The following HECTD4 variants were observed in gnomAD, a reference collection of about 807,000 sequenced individuals.
HECTD4 encodes the protein probable E3 ubiquitin-protein ligase HECTD4.
HECTD4 carries 114 observed loss-of-function variants against 471.5 expected under a neutral mutation model. That is an observed-to-expected ratio of 0.24 (90% CI 0.21 to 0.28). HECTD4 has a LOEUF of 0.28. Among genes scored for constraint, HECTD4 ranks in the 10% least tolerant of loss-of-function variants. The pLI is 1.00. For synonymous variants in HECTD4, 2,012 were observed against 2,256.0 expected (o/e 0.89, Z 3.07); for missense variants, 3,866 against 5,651.5 (o/e 0.68, Z 10.13).
chr12:112,172,060 C>T (rs747995461), intron 67 of HECTD4, among the ~76,000 whole-genome samples: 2 of 152,172 alleles, frequency 1.3e-5, no homozygotes, highest in African/African-American at 2.4e-5. Flanking sequence ...TGCGCCACCA[C>T]GCCCGGCTAA....
At chr12:112,206,483 C>T (rs953603873) in intron 52 of HECTD4, among the ~76,000 whole-genome samples, 27 of 150,288 alleles carry the variant, frequency 1.8e-4, no homozygotes, top group African/African-American at 2.2e-4. Context: ...TAATATAGAG[C>T]GAGACTCTCT....
Position 112,160,568 on chromosome 12 carries a change from T to C in HECTD4, c.*1819A>G, listed in dbSNP as rs570198084. On this transcript the variant is annotated 3_prime_UTR_variant, in exon 76 of 76. Transcript: ENST00000682272. Reference sequence around the variant, plus strand: ...AGCAGATACCTTACAGCTTGTCATCTACTCAAGTGATGGCCAACAGAAGCT... The same window carrying C: ...AGCAGATACCTTACAGCTTGTCATCCACTCAAGTGATGGCCAACAGAAGCT... 1 of 152,336 alleles carries C rather than the reference T, an allele frequency of 6.6e-6. No homozygotes were observed. The highest frequency in any genetic ancestry group is 2.4e-5 in the African/African-American group (1 of 41,576). 9.4% of individuals were successfully genotyped at this position (152,336 alleles called of 1,614,324 possible). A position where few individuals can be genotyped will look rare whatever the true frequency, so the allele number is the denominator to read the frequency against.
rs1354908671 is a variant in HECTD4 at position 112,339,761 on chromosome 12, A to G, written c.178-20019T>C. 4.6e-5 allele frequency among the ~76,000 whole-genome samples: 7 copies of G among 152,172 alleles called. 1 individual carries two copies. Among genetic ancestry groups the G allele is most frequent in the Admixed American group, 4.6e-4 (7 of 15,278 alleles). On this transcript the variant is annotated intron_variant, in intron 1 of 75. Coordinates refer to ENST00000682272, the MANE Select transcript of HECTD4 (RefSeq NM_001388303.1). The stretch of plus-strand genomic sequence containing the variant: ...AGTGGAAAATGTAAACTGAAAACAC[A>G]CTTTCAGCCAGGCACAGTGGCTCAT...
Position 112,235,005 on chromosome 12 carries a change from G to A in HECTD4, c.5915+72C>T. On this transcript the variant is annotated intron_variant, in intron 37 of 75. Coordinates refer to ENST00000682272, the MANE Select transcript of HECTD4 (RefSeq NM_001388303.1). The surrounding 1 kb of genome is among the most constrained non-coding windows in gnomAD (Gnocchi z 5.0). The stretch of plus-strand genomic sequence containing the variant: ...CCGAGGCAGTCGATACATGTACAGG[G>A]CTTACTTAGCACAGTGCCTGTGACA... The A allele has an allele frequency of 7.2e-7, 1 of 1,383,516 alleles. No homozygotes were observed. The highest frequency in any genetic ancestry group is 9.9e-7 in the Non-Finnish European group (1 of 1,012,654). The allele number at this position is 1,383,516 out of a possible 1,614,324, so 85.7% of individuals were successfully genotyped here.
intron 45 of HECTD4, among the ~76,000 whole-genome samples, chr12:112,218,786 G>A (rs1171391534): frequency 6.6e-6 from 1 of 151,934 alleles, no homozygotes; most frequent in Non-Finnish European, 1.5e-5. Context: ...CCAGGCTGGA[G>A]TGCAGTGGCA....
At chr12:112,288,067 G>A (rs2034794235) in intron 7 of HECTD4, among the ~76,000 whole-genome samples, 1 of 151,400 alleles carries the variant, frequency 6.6e-6, no homozygotes, top group African/African-American at 2.4e-5. Context: ...GGTGGCTCAT[G>A]CCTGTAATCC....
intron 70 of HECTD4, 66 bp from the exon 71 acceptor site, chr12:112,167,983 C>T (rs1353057019): frequency 8.0e-7 from 1 of 1,246,382 alleles, no homozygotes; most frequent in Non-Finnish European, 1.2e-6. Flanking sequence ...CGTTCCCTCC[C>T]TCTCACCTGC....
At chr12:112,264,060 G>C (rs751409884) in intron 17 of HECTD4, 24 bp downstream of exon 17, 1 of 1,600,924 alleles carries the variant, frequency 6.2e-7, no homozygotes, top group South Asian at 1.1e-5. Context: ...AGAACGCATC[G>C]TTAAAATAAA....
Position 112,382,357 on chromosome 12 carries a change from CG to C in HECTD4, c.-230del. 2.5e-6 allele frequency: 1 copy of C among 398,214 alleles called. No individual in the cohort carries two copies. The highest frequency in any genetic ancestry group is 4.2e-5 in the South Asian group (1 of 23,610). The allele number at this position is 398,214 out of a possible 1,614,324, so 24.7% of individuals were successfully genotyped here. Reference sequence around the variant, plus strand: ...CCGCCGCCGCCGCCGCCGCCGCCGCCGCCCTCAGGAGCAGGATCCGCCTCTG... The same window carrying C: ...CCGCCGCCGCCGCCGCCGCCGCCGCCCCCTCAGGAGCAGGATCCGCCTCTG... On this transcript the variant is annotated 5_prime_UTR_variant, in exon 1 of 76. Transcript: ENST00000682272.
intron 18 of HECTD4, among the ~76,000 whole-genome samples, chr12:112,260,104 T>C (rs2034110015): frequency 6.6e-6 from 1 of 152,102 alleles, no homozygotes; most frequent in African/African-American, 2.4e-5. Context: ...CTATGCGCAT[T>C]AAACAATAAC....
chr12:112,175,151 G>C (rs147062716), intron 66 of HECTD4, among the ~76,000 whole-genome samples: 40 of 152,348 alleles, frequency 2.6e-4, no homozygotes, highest in African/African-American at 8.9e-4. Context: ...GGACTGAACT[G>C]TGTCCTCCCA....
chr12:112,271,232 G>T (rs1425266584), intron 11 of HECTD4, among the ~76,000 whole-genome samples: 1 of 152,162 alleles, frequency 6.6e-6, no homozygotes, highest in Non-Finnish European at 1.5e-5. Context: ...TAATTACTGT[G>T]GTGATTAACA....
chr12:112,287,815 G>A (rs1161205668), intron 7 of HECTD4, among the ~76,000 whole-genome samples: 1 of 152,144 alleles, frequency 6.6e-6, no homozygotes, highest in East Asian at 1.9e-4. Context: ...CAGAGTAGAA[G>A]TAGCCAAATC....
chr12:112,205,342 G>A (rs543123514), intron 52 of HECTD4, among the ~76,000 whole-genome samples: 13 of 152,218 alleles, frequency 8.5e-5, no homozygotes, highest in Admixed American at 5.9e-4. Flanking sequence ...GCTGAGGCAG[G>A]AGAACTGTTT....
chr12:112,381,892 C>T lies in HECTD4; in HGVS notation c.177+60G>A, dbSNP rs2036901847. The T allele has an allele frequency of 8.6e-7, 1 of 1,156,334 alleles. No individual in the cohort carries two copies. Among genetic ancestry groups the T allele is most frequent in the East Asian group, 3.3e-5 (1 of 30,234 alleles). The allele number at this position is 1,156,334 out of a possible 1,614,324, so 71.6% of individuals were successfully genotyped here. On this transcript the variant is annotated intron_variant, in intron 1 of 75. Coordinates refer to ENST00000682272, the MANE Select transcript of HECTD4 (RefSeq NM_001388303.1). The surrounding 1 kb of genome is among the most constrained non-coding windows in gnomAD (Gnocchi z 4.1). Reference sequence around the variant, plus strand: ...GGCTGAGGCGAGGAGGGGGCCCGACCCGGGGGTGCCGGGCGAGTGGGTCAG... The same window carrying T: ...GGCTGAGGCGAGGAGGGGGCCCGACTCGGGGGTGCCGGGCGAGTGGGTCAG...
intron 15 of HECTD4, 106 bp downstream of exon 15, chr12:112,265,768 TAACG>T: frequency 1.3e-6 from 1 of 750,130 alleles, no homozygotes; most frequent in East Asian, 2.6e-5. Flanking sequence ...TTTAACATGC[TAACG>T]ATCGTATTAG....
chr12:112,342,328 A>G (rs1388274617), intron 1 of HECTD4, among the ~76,000 whole-genome samples: 1 of 152,152 alleles, frequency 6.6e-6, no homozygotes, highest in African/African-American at 2.4e-5. Context: ...GTGATAGTGC[A>G]TGCCTGTAGT....
intron 37 of HECTD4, among the ~76,000 whole-genome samples, chr12:112,233,300 C>T (rs2033427910): frequency 6.8e-6 from 1 of 147,762 alleles, no homozygotes; most frequent in Non-Finnish European, 1.5e-5. Flanking sequence ...CAGCTCACTG[C>T]AGCCTCGATC....
intron 62 of HECTD4, among the ~76,000 whole-genome samples, chr12:112,180,953 A>T (rs1455638655): frequency 4.0e-5 from 6 of 151,550 alleles, no homozygotes; most frequent in Non-Finnish European, 8.8e-5. Context: ...ATTATTTAGT[A>T]GCACTTGTCA....
Sources: allele counts gnomAD v4.1 joint callset (sites outside exome capture counted in the v4.1 genomes callset), GRCh38; gene constraint gnomAD v4.1.1; non-coding constraint Gnocchi (gnomAD v3.1); transcripts MANE v1.5; gene names NCBI Gene and HGNC (gene_info 2026-07-23, HGNC 2026-07-21).